The following SEMA6D variants were observed in gnomAD, a reference collection of about 807,000 sequenced individuals.
SEMA6D encodes the protein semaphorin 6D.
SEMA6D carries 35 observed loss-of-function variants against 106.6 expected under a neutral mutation model. That is an observed-to-expected ratio of 0.33 (90% CI 0.25 to 0.44). The LOEUF (loss-of-function observed/expected upper bound fraction) is 0.44. Among genes scored for constraint, SEMA6D ranks in the 20% least tolerant of loss-of-function variants. The probability of loss-of-function intolerance (pLI) is 1.00; values close to 1 mark genes in which losing one functional copy is unlikely to be tolerated. For synonymous variants in SEMA6D, 499 were observed against 487.7 expected (o/e 1.02, Z -0.31); for missense variants, 1,185 against 1,345.9 (o/e 0.88, Z 1.87).
chr15:47,768,643 G>C lies in SEMA6D; in HGVS notation c.1828G>C (p.Val610Leu). ...MASIPEITPK[V>L]IDTWRPKLTS... The stretch of plus-strand genomic sequence containing the variant: ...AAGTATCCCAGAAATCACACCTAAA[G>C]TGATTGATACCTGGAGACCTAAACT... Residue 610 changes from valine to leucine, a missense_variant, in exon 18 of 19, where the codon GTG (valine) becomes CTG (leucine). This residue lies in a region of SEMA6D where 750 missense variants were observed against 783.5 expected (regional missense o/e 0.96). Coordinates refer to ENST00000536845, the MANE Select transcript of SEMA6D (RefSeq NM_001358351.3). The C allele has an allele frequency of 6.2e-7, 1 of 1,613,582 alleles. No individual in the cohort carries two copies. Among genetic ancestry groups the C allele is most frequent in the Non-Finnish European group, 8.5e-7 (1 of 1,179,650 alleles).
intron 2 of SEMA6D, among the ~76,000 whole-genome samples, chr15:47,436,263 G>A (rs760213438): frequency 1.3e-4 from 19 of 151,842 alleles, no homozygotes; most frequent in Non-Finnish European, 2.6e-4. Flanking sequence ...GGTGGCAGGC[G>A]CCTGTAATCC....
intron 1 of SEMA6D, chr15:47,718,555 G>C (rs2079226877): frequency 6.6e-6 from 1 of 152,452 alleles, no homozygotes; most frequent in African/African-American, 2.4e-5. Context: ...TCCCGGGCCC[G>C]GAGCAGCCCA....
intron 2 of SEMA6D, among the ~76,000 whole-genome samples, chr15:47,413,344 C>T (rs769602546): frequency 2.0e-5 from 3 of 151,918 alleles, no homozygotes; most frequent in Non-Finnish European, 4.4e-5. Flanking sequence ...CTTTGAACCC[C>T]GTTTTGTTTA....
intron 1 of SEMA6D, among the ~76,000 whole-genome samples, chr15:47,311,660 G>T (rs2036451462): frequency 6.6e-6 from 1 of 151,852 alleles, no homozygotes; most frequent in Admixed American, 6.6e-5. Flanking sequence ...CTTTAACTTT[G>T]GGTCTCATTA....
intron 1 of SEMA6D, among the ~76,000 whole-genome samples, chr15:47,243,186 G>A (rs2033013558): frequency 2.0e-5 from 3 of 152,156 alleles, no homozygotes; most frequent in Admixed American, 2.0e-4. Flanking sequence ...AAAGGTGGAA[G>A]AGGATTCGAA....
At position 47,764,927 on chromosome 15, in the gene SEMA6D, A is replaced by G. The variant is rs1028432129; in HGVS notation, c.1298A>G (p.Tyr433Cys). ...TCAGTGGACCATTCAGCCGGACCCT[A>G]CCAGAACTACACAGTCATCTTTGTT... ...AISVDHSAGP[Y>C]QNYTVIFVGS... The change falls in exon 13 of 19, where the codon TAC (tyrosine) becomes TGC (cysteine). Residue 433 changes from tyrosine to cysteine, a missense_variant. Tyr to Cys is a radical substitution (Grantham distance 194, BLOSUM62 -2). Around this residue, in one of 3 missense-constraint regions of SEMA6D, gnomAD observed 291 missense variants for 423.8 expected, o/e 0.69. Transcript: ENST00000536845. 1 of 1,613,660 alleles carries G rather than the reference A, an allele frequency of 6.2e-7. No homozygotes were observed. Among genetic ancestry groups the G allele is most frequent in the Non-Finnish European group, 8.5e-7 (1 of 1,179,814 alleles).
intron 3 of SEMA6D, among the ~76,000 whole-genome samples, chr15:47,553,167 G>T (rs757024593): frequency 5.3e-5 from 8 of 151,494 alleles, no homozygotes; most frequent in Non-Finnish European, 8.8e-5. Context: ...ACCTCCAAAA[G>T]TGCTGGGATT....
chr15:47,441,823 C>T (rs1244952149), intron 2 of SEMA6D, among the ~76,000 whole-genome samples: 1 of 151,980 alleles, frequency 6.6e-6, no homozygotes, highest in Non-Finnish European at 1.5e-5. Context: ...GGCTGATTTC[C>T]ACGTGGTTAT....
At chr15:47,658,997 T>A (rs1229268132) in intron 4 of SEMA6D, among the ~76,000 whole-genome samples, 1 of 152,102 alleles carries the variant, frequency 6.6e-6, no homozygotes, top group Non-Finnish European at 1.5e-5. Context: ...AATATTCTAT[T>A]GAGGACTAAA....
At chr15:47,324,405 T>A (rs2037043923) in intron 1 of SEMA6D, among the ~76,000 whole-genome samples, 1 of 152,058 alleles carries the variant, frequency 6.6e-6, no homozygotes, top group Admixed American at 6.6e-5. Flanking sequence ...AGATGCCATG[T>A]CAGAAAAGCA....
intron 1 of SEMA6D, among the ~76,000 whole-genome samples, chr15:47,361,469 C>A (rs1337023408): frequency 6.6e-6 from 1 of 152,172 alleles, no homozygotes; most frequent in Non-Finnish European, 1.5e-5. Context: ...ACTTCATGGG[C>A]TTCTATTCTT....
At position 47,188,682 on chromosome 15, in the gene SEMA6D, C is replaced by T. The variant is rs72731736; in HGVS notation, c.-239+4264C>T. ...TTTATTCTACTTATGTATACAATTT[C>T]TCTGTCATAATGTCTTATTTTGTTT... On this transcript the variant is annotated intron_variant, in intron 1 of 19. Transcript: ENST00000558014. Among the ~76,000 whole-genome samples the T allele has an allele frequency of 7.2e-3, 1,094 of 152,160 alleles. 18 individuals are homozygous for T. Among genetic ancestry groups the T allele is most frequent in the Middle Eastern group, 0.021 (6 of 292 alleles).
intron 2 of SEMA6D, among the ~76,000 whole-genome samples, chr15:47,468,771 A>G (rs766882418): frequency 2.6e-5 from 4 of 152,200 alleles, no homozygotes; most frequent in Non-Finnish European, 4.4e-5. Flanking sequence ...AGGTTTGAAT[A>G]GTACAGATAA....
intron 3 of SEMA6D, among the ~76,000 whole-genome samples, chr15:47,478,208 C>T (rs1197594567): frequency 1.3e-5 from 2 of 152,140 alleles, no homozygotes; most frequent in South Asian, 4.1e-4. Flanking sequence ...CTTTATTTTT[C>T]ACTTTAGCCC....
intron 3 of SEMA6D, among the ~76,000 whole-genome samples, chr15:47,503,284 C>G (rs2141635547): frequency 6.6e-6 from 1 of 152,274 alleles, no homozygotes; most frequent in East Asian, 1.9e-4. Flanking sequence ...ACCTGAGTCA[C>G]CATTCATCAT....
chr15:47,761,823 G>A, intron 7 of SEMA6D, 72 bp downstream of exon 7: 2 of 1,295,566 alleles, frequency 1.5e-6, no homozygotes, highest in Admixed American at 4.1e-5. Context: ...TAATGGAAGA[G>A]TAAAAGTTAA....
At chr15:47,537,121 A>G (rs1409279047) in intron 3 of SEMA6D, among the ~76,000 whole-genome samples, 2 of 152,270 alleles carry the variant, frequency 1.3e-5, no homozygotes, top group Non-Finnish European at 2.9e-5. Context: ...AATCTCTTCC[A>G]GCATAATTTG....
chr15:47,487,326 C>G (rs966734905), intron 3 of SEMA6D, among the ~76,000 whole-genome samples: 1 of 152,100 alleles, frequency 6.6e-6, no homozygotes, highest in African/African-American at 2.4e-5. Flanking sequence ...TCTATCGATG[C>G]CCCTCCCTCC....
chr15:47,514,435 A>G (rs969226678), intron 3 of SEMA6D, among the ~76,000 whole-genome samples: 2 of 152,194 alleles, frequency 1.3e-5, no homozygotes, highest in African/African-American at 2.4e-5. Flanking sequence ...CAGAGGTATT[A>G]TGGACAAATG....
Sources: allele counts gnomAD v4.1 joint callset (sites outside exome capture counted in the v4.1 genomes callset), GRCh38; gene constraint gnomAD v4.1.1; regional missense constraint gnomAD v4.1.1; transcripts MANE v1.5; gene names NCBI Gene and HGNC (gene_info 2026-07-23, HGNC 2026-07-21).